Variants in CELF4 observed in about 807,000 individuals in gnomAD.
CELF4 encodes the protein CUGBP Elav-like family member 4.
A neutral mutation model predicts 59.9 loss-of-function variants in CELF4; 18 were observed. The ratio of observed to expected loss-of-function variants is 0.30; its 90% CI spans 0.21 to 0.45. The LOEUF is 0.45. CELF4 is among the 20% of genes least tolerant of loss of function. CELF4 has a pLI of 1.00. For synonymous variants in CELF4, 261 were observed against 267.1 expected (o/e 0.98, Z 0.22); for missense variants, 456 against 689.0 (o/e 0.66, Z 3.79).
chr18:37,372,914 G>T (rs1481996155), intron 2 of CELF4, among the ~76,000 whole-genome samples: 1 of 152,104 alleles, frequency 6.6e-6, no homozygotes, highest in Non-Finnish European at 1.5e-5. Flanking sequence ...CCTGTTGAGG[G>T]CTGGGGTGAG....
Position 37,246,846 on chromosome 18 carries a change from T to A in CELF4, c.*45-1649A>T, listed in dbSNP as rs1295234426. 1 of 152,230 alleles carries A rather than the reference T, an allele frequency of 6.6e-6. No individual in the cohort carries two copies. Among genetic ancestry groups the A allele is most frequent in the Non-Finnish European group, 1.5e-5 (1 of 68,046 alleles). 9.4% of individuals were successfully genotyped at this position (152,230 alleles called of 1,614,324 possible). On this transcript the variant is annotated intron_variant, in intron 12 of 12. Transcript: ENST00000420428. The surrounding 1 kb of genome is among the most constrained non-coding windows in gnomAD (Gnocchi z 5.3). ...CAGGAATTCATCTTTATTTTGACTA[T>A]TTTTTGTTCTTTTGTTTTGTTTTTT...
intron 2 of CELF4, among the ~76,000 whole-genome samples, chr18:37,399,217 T>C (rs2099287790): frequency 6.6e-6 from 1 of 151,996 alleles, no homozygotes; most frequent in Non-Finnish European, 1.5e-5. Context: ...GGATGGGACA[T>C]TTAAGAGGTG....
chr18:37,325,949 T>G (rs1427321762), intron 2 of CELF4, among the ~76,000 whole-genome samples: 2 of 152,134 alleles, frequency 1.3e-5, no homozygotes, highest in Non-Finnish European at 2.9e-5. Flanking sequence ...AGAAATAAAG[T>G]GTCAGTCTTG....
At chr18:37,368,587 T>C (rs73427288) in intron 2 of CELF4, among the ~76,000 whole-genome samples, 2,466 of 152,332 alleles carry the variant, frequency 0.016, 23 homozygotes, top group Middle Eastern at 0.034. Context: ...AAATCCAATT[T>C]TCTGCCATAA....
chr18:37,378,562 A>G (rs529468433), intron 2 of CELF4, among the ~76,000 whole-genome samples: 1 of 152,370 alleles, frequency 6.6e-6, no homozygotes, highest in African/African-American at 2.4e-5. Context: ...GAAATAAATC[A>G]GACAACACTA....
chr18:37,257,303 G>A (rs770249381), intron 11 of CELF4, among the ~76,000 whole-genome samples: 1 of 152,192 alleles, frequency 6.6e-6, no homozygotes, highest in Non-Finnish European at 1.5e-5. Flanking sequence ...TCTCATTTAT[G>A]TAACATTTGG....
intron 1 of CELF4, among the ~76,000 whole-genome samples, chr18:37,522,133 GCC>G (rs200999601): frequency 0.011 from 1,749 of 152,244 alleles, 35 homozygotes; most frequent in African/African-American, 0.04. Flanking sequence ...GATAACAGAA[GCC>G]AGATGCCCAG....
At chr18:37,404,374 C>T (rs1383165207) in intron 2 of CELF4, among the ~76,000 whole-genome samples, 2 of 152,244 alleles carry the variant, frequency 1.3e-5, no homozygotes, top group Non-Finnish European at 2.9e-5. Flanking sequence ...CCTGGAGTGC[C>T]TTCATGCAGG....
At chr18:37,540,282 G>A (rs1045845947) in intron 1 of CELF4, among the ~76,000 whole-genome samples, 6 of 152,252 alleles carry the variant, frequency 3.9e-5, no homozygotes, top group Non-Finnish European at 7.3e-5. Context: ...CCCCAGCCCA[G>A]AGCCTCCCAG....
At chr18:37,295,584 A>C (rs776263942) in intron 3 of CELF4, among the ~76,000 whole-genome samples, 4 of 152,220 alleles carry the variant, frequency 2.6e-5, no homozygotes, top group Non-Finnish European at 5.9e-5. Flanking sequence ...GAACTCTTGC[A>C]ATGCACCAGT....
intron 1 of CELF4, among the ~76,000 whole-genome samples, chr18:37,554,081 G>T (rs2099984052): frequency 6.6e-6 from 1 of 152,190 alleles, no homozygotes; most frequent in South Asian, 2.1e-4. Context: ...GGAGGGGAGA[G>T]GGCACTTTGG....
At chr18:37,380,824 A>ATCCATCCATCCATCC (rs1569568219) in intron 2 of CELF4, among the ~76,000 whole-genome samples, 5 of 19,116 alleles carry the variant, frequency 2.6e-4, no homozygotes, top group South Asian at 1.9e-3. Context: ...TCCATCCATC[A>ATCCATCCATCCATCC]TCTATCCTTC....
intron 2 of CELF4, among the ~76,000 whole-genome samples, chr18:37,447,027 G>T (rs934927930): frequency 1.1e-4 from 16 of 152,146 alleles, no homozygotes; most frequent in African/African-American, 3.9e-4. Flanking sequence ...ATCCAGCAGT[G>T]TGTGATCAGT....
chr18:37,287,622 C>CAGA (rs1412702690), intron 3 of CELF4, among the ~76,000 whole-genome samples: 1 of 152,200 alleles, frequency 6.6e-6, no homozygotes, highest in East Asian at 1.9e-4. Context: ...CCCTGTTTCT[C>CAGA]AGGCCTCTGG....
At chr18:37,249,321 C>A (rs2063988445) in intron 12 of CELF4, among the ~76,000 whole-genome samples, 1 of 152,186 alleles carries the variant, frequency 6.6e-6, no homozygotes, top group South Asian at 2.1e-4. Flanking sequence ...GCAACTGCAA[C>A]TCAGGGACTC....
At chr18:37,331,839 G>T (rs1273315294) in intron 2 of CELF4, among the ~76,000 whole-genome samples, 1 of 152,104 alleles carries the variant, frequency 6.6e-6, no homozygotes, top group Non-Finnish European at 1.5e-5. Context: ...GCAAGTCGCC[G>T]AGGGTGGGAG....
In CELF4 at chr18:37,448,973, C is replaced by G. The variant is rs543435061; in HGVS notation, c.369+36552G>C. ...GCATGGCCCAAGCCTCATGAGCTCCCCCAATGGGTTTGTCCAAGCAGGAAA... is the reference window on the plus strand; with the variant it reads ...GCATGGCCCAAGCCTCATGAGCTCCGCCAATGGGTTTGTCCAAGCAGGAAA... On this transcript the variant is annotated intron_variant, in intron 2 of 12. Coordinates refer to ENST00000420428, the MANE Select transcript of CELF4 (RefSeq NM_020180.4). 5.3e-5 allele frequency among the ~76,000 whole-genome samples: 8 copies of G among 152,318 alleles called. No individual in the cohort carries two copies. The South Asian group carries it at 1.7e-3, about 32-fold the overall frequency.
At chr18:37,520,944 C>G (rs1340469416) in intron 1 of CELF4, among the ~76,000 whole-genome samples, 1 of 152,074 alleles carries the variant, frequency 6.6e-6, no homozygotes, top group Admixed American at 6.5e-5. Flanking sequence ...CAGGAAAGCC[C>G]CTCTTCACAT....
chr18:37,397,666 G>A (rs969915422), intron 2 of CELF4, among the ~76,000 whole-genome samples: 2 of 152,248 alleles, frequency 1.3e-5, no homozygotes, highest in Non-Finnish European at 2.9e-5. Flanking sequence ...GGCAAACCAT[G>A]CCTGACGGAT....
Sources: allele counts gnomAD v4.1 joint callset (sites outside exome capture counted in the v4.1 genomes callset), GRCh38; gene constraint gnomAD v4.1.1; non-coding constraint Gnocchi (gnomAD v3.1); transcripts MANE v1.5; gene names NCBI Gene and HGNC (gene_info 2026-07-23, HGNC 2026-07-21).